BCAT1: variants seen among roughly 807,000 people sequenced by gnomAD.
The protein encoded by BCAT1 is branched chain amino acid transaminase 1, also known as branched-chain-amino-acid aminotransferase, cytosolic.
Under a neutral mutation model 52.4 loss-of-function variants are expected in BCAT1, and 48 were observed. The observed-to-expected ratio is 0.92, with a 90% CI of 0.73 to 1.16. BCAT1 has a LOEUF of 1.16. BCAT1 is among the 50% of genes most tolerant of loss of function. BCAT1 has a pLI of 0.00. For missense variants in BCAT1, 451 were observed against 457.1 expected, an observed-to-expected ratio of 0.99 and a Z score of 0.12; for synonymous variants, 167 against 161.3, an observed-to-expected ratio of 1.04 and a Z score of -0.27.
intron 10 of BCAT1, among the ~76,000 whole-genome samples, chr12:24,822,464 C>G (rs1598095897): frequency 6.6e-6 from 1 of 152,202 alleles, no homozygotes; most frequent in Non-Finnish European, 1.5e-5. Flanking sequence ...AACATCCATG[C>G]TCCCATGTCA....
intron 5 of BCAT1, among the ~76,000 whole-genome samples, chr12:24,866,423 G>A (rs1942012226): frequency 6.6e-6 from 1 of 152,138 alleles, no homozygotes; most frequent in South Asian, 2.1e-4. Context: ...TCTCCCTGAC[G>A]AGTGCCACCC....
At chr12:24,928,820 C>T (rs1943635658) in intron 1 of BCAT1, among the ~76,000 whole-genome samples, 1 of 152,084 alleles carries the variant, frequency 6.6e-6, no homozygotes, top group African/African-American at 2.4e-5. Flanking sequence ...ACCACAACCT[C>T]TGCCTCCCAG....
Position 24,916,536 on chromosome 12 carries a change from G to GT in BCAT1, c.7-14652dup, listed in dbSNP as rs201765771. On this transcript the variant is annotated intron_variant, in intron 1 of 10. Transcript: ENST00000261192. ...CTCTTTTTTTGTTTGTTTGCTTTTT[G>GT]TTTTTTTGTTTGTTTGTTTTGAGAT... is the stretch of plus-strand genomic sequence containing the variant. Among the ~76,000 whole-genome samples, 165 of 152,002 alleles carry GT rather than the reference G, an allele frequency of 1.1e-3. No homozygotes were observed. In the East Asian group the frequency reaches 0.012, roughly 11 times the overall value.
At chr12:24,935,801 T>C (rs1943744605) in intron 1 of BCAT1, among the ~76,000 whole-genome samples, 1 of 152,176 alleles carries the variant, frequency 6.6e-6, no homozygotes, top group Non-Finnish European at 1.5e-5. Context: ...AAGACACAAT[T>C]CCACAGTTTC....
intron 6 of BCAT1, among the ~76,000 whole-genome samples, chr12:24,848,224 G>C (rs999777309): frequency 6.6e-6 from 1 of 152,096 alleles, no homozygotes; most frequent in African/African-American, 2.4e-5. Context: ...TATTATTTTA[G>C]AGTACTTTTA....
At chr12:24,820,406 T>C (rs552141676) in intron 10 of BCAT1, among the ~76,000 whole-genome samples, 93 of 152,304 alleles carry the variant, frequency 6.1e-4, no homozygotes, top group African/African-American at 2.1e-3. Flanking sequence ...TAAGTAGAGA[T>C]GGCAGATTTA....
At position 24,838,134 on chromosome 12, in the gene BCAT1, A is replaced by G. The variant is rs375462025; in HGVS notation, c.818-1538T>C. Among the ~76,000 whole-genome samples, 548 of 152,054 alleles carry G rather than the reference A, an allele frequency of 3.6e-3. 2 individuals carry two copies. The highest frequency in any genetic ancestry group is 0.013 in the African/African-American group (536 of 41,468). ...ATACATGGTGGTTCTAGGCTCGCCCACTCCACTGGGGTTACATCAGACATG... is the reference window on the plus strand; with the variant it reads ...ATACATGGTGGTTCTAGGCTCGCCCGCTCCACTGGGGTTACATCAGACATG... On this transcript the variant is annotated intron_variant, in intron 7 of 10. Transcript: ENST00000261192.
Position 24,829,758 on chromosome 12 carries a change from G to A in BCAT1, c.1119+65C>T, listed in dbSNP as rs146277864. ...TATAATTTAGTTGTAAGCTCTGACA[G>A]AAATAAGGTGACATAAAAAAAAGAA... is the stretch of plus-strand genomic sequence containing the variant. On this transcript the variant is annotated intron_variant, in intron 10 of 10. Coordinates refer to ENST00000261192, the MANE Select transcript of BCAT1 (RefSeq NM_005504.7). The A allele has an allele frequency of 8.2e-5, 107 of 1,304,116 alleles. 2 individuals are homozygous for A. The African/African-American group carries it at 1.2e-3, about 15-fold the overall frequency. 80.8% of individuals were successfully genotyped at this position (1,304,116 alleles called of 1,614,324 possible).
At chr12:24,833,807 T>C (rs1382464106) in intron 8 of BCAT1, 1 of 149,380 alleles carries the variant, frequency 6.7e-6, no homozygotes, top group Non-Finnish European at 1.5e-5. Context: ...GTACTCTTTC[T>C]ACGTTTGTCT....
chr12:24,816,662 G>A lies in BCAT1; in HGVS notation c.*1346C>T, dbSNP rs1598085484. 5.0e-6 allele frequency: 2 copies of A among 396,708 alleles called. No individual in the cohort carries two copies. Among genetic ancestry groups the A allele is most frequent in the Non-Finnish European group, 8.9e-6 (2 of 225,188 alleles). 24.6% of individuals were successfully genotyped at this position (396,708 alleles called of 1,614,324 possible). On this transcript the variant is annotated 3_prime_UTR_variant, in exon 11 of 11. Transcript: ENST00000261192. ...AAACATTTGTCATTTCCATTTGGTT[G>A]GTATGATATCATGACCTCTCTCTAG...
At chr12:24,917,461 C>T (rs1037820580) in intron 1 of BCAT1, among the ~76,000 whole-genome samples, 2 of 152,162 alleles carry the variant, frequency 1.3e-5, no homozygotes, top group Non-Finnish European at 2.9e-5. Context: ...GGATTACAGG[C>T]GTGAGCCACT....
Position 24,812,131 on chromosome 12 carries a change from C to G in BCAT1, c.*5877G>C, listed in dbSNP as rs895818044. 11 of 152,176 alleles carry G rather than the reference C, an allele frequency of 7.2e-5. No individual in the cohort carries two copies. The highest frequency in any genetic ancestry group is 2.6e-4 in the African/African-American group (11 of 41,554). The allele number at this position is 152,176 out of a possible 1,614,324, so 9.4% of individuals were successfully genotyped here. A position where few individuals can be genotyped will look rare whatever the true frequency, so the allele number is the denominator to read the frequency against. ...TCTTCAAAAACTTATTGATGAAGTA[C>G]AAATTGAGGCAGAAATTTACATTCC... On this transcript the variant is annotated 3_prime_UTR_variant, in exon 11 of 11. Coordinates refer to ENST00000261192, the MANE Select transcript of BCAT1 (RefSeq NM_005504.7).
At chr12:24,833,667 T>C (rs2139390369) in intron 8 of BCAT1, 1 of 152,350 alleles carries the variant, frequency 6.6e-6, no homozygotes, top group Non-Finnish European at 1.5e-5. Context: ...GGGTGAGTAC[T>C]ATCATCCCCA....
intron 5 of BCAT1, among the ~76,000 whole-genome samples, chr12:24,866,496 G>A (rs573808013): frequency 9.2e-5 from 14 of 152,352 alleles, no homozygotes; most frequent in South Asian, 8.3e-4. Context: ...TGCACGGCGC[G>A]GGACTGGCAG....
At chr12:24,863,285 G>A (rs1941903131) in intron 5 of BCAT1, among the ~76,000 whole-genome samples, 1 of 152,222 alleles carries the variant, frequency 6.6e-6, no homozygotes, top group Non-Finnish European at 1.5e-5. Flanking sequence ...AATATGTAGA[G>A]AGCGCCAGGG....
intron 1 of BCAT1, among the ~76,000 whole-genome samples, chr12:24,910,245 C>T (rs1287669634): frequency 2.0e-5 from 3 of 151,924 alleles, no homozygotes; most frequent in Admixed American, 6.6e-5. Flanking sequence ...GGCTTGATGG[C>T]GGGTGCCTGT....
intron 1 of BCAT1, among the ~76,000 whole-genome samples, chr12:24,934,777 T>G (rs549203591): frequency 2.0e-5 from 3 of 152,188 alleles, no homozygotes; most frequent in Non-Finnish European, 4.4e-5. Context: ...GGTCTCGAAC[T>G]CCTGACCTCA....
At position 24,816,603 on chromosome 12, in the gene BCAT1, A is replaced by AAG; in HGVS notation, c.*1404_*1405insCT. 1 of 397,892 alleles carries AAG rather than the reference A, an allele frequency of 2.5e-6. No homozygotes were observed. 24.6% of individuals were successfully genotyped at this position (397,892 alleles called of 1,614,324 possible). ...TTTGTTTTCTACCAAAAAAAAAAAA[A>AAG]AAAGATTTATTTCTGCAATTAACAC... On this transcript the variant is annotated 3_prime_UTR_variant, in exon 11 of 11. Coordinates refer to ENST00000261192, the MANE Select transcript of BCAT1 (RefSeq NM_005504.7).
At chr12:24,889,451 C>G (rs983098183) in intron 3 of BCAT1, among the ~76,000 whole-genome samples, 4 of 152,240 alleles carry the variant, frequency 2.6e-5, no homozygotes, top group East Asian at 1.9e-4. Flanking sequence ...CTTCCAGAAC[C>G]CTGACCTTCC....
Sources: allele counts gnomAD v4.1 joint callset (sites outside exome capture counted in the v4.1 genomes callset), GRCh38; gene constraint gnomAD v4.1.1; transcripts MANE v1.5; gene names NCBI Gene and HGNC (gene_info 2026-07-23, HGNC 2026-07-21).